TENM3: variants seen among roughly 807,000 people sequenced by gnomAD.
TENM3 encodes teneurin-3.
TENM3 carries 63 observed loss-of-function variants against 255.1 expected under a neutral mutation model. The ratio of observed to expected loss-of-function variants is 0.25; its 90% confidence interval spans 0.20 to 0.30. The LOEUF (loss-of-function observed/expected upper bound fraction) is 0.30. Ranked by LOEUF, TENM3 falls within the 10% of genes least tolerant of loss-of-function variation. The probability of loss-of-function intolerance (pLI) is 1.00; values close to 1 mark genes in which losing one functional copy is unlikely to be tolerated. For missense variants in TENM3, 2,929 were observed against 3,461.1 expected (o/e 0.85, Z 3.86); for synonymous variants, 1,306 against 1,322.3 (o/e 0.99, Z 0.27).
chr4:181,719,322 A>T, the TENM3 span, among the ~76,000 whole-genome samples: 1 of 152,194 alleles, frequency 6.6e-6, no homozygotes, highest in African/African-American at 2.4e-5. Flanking sequence ...AAACCAAAAA[A>T]GTTCTAAATC....
chr4:182,483,416 T>A (rs1319418893), intron 3 of TENM3, among the ~76,000 whole-genome samples: 1 of 152,170 alleles, frequency 6.6e-6, no homozygotes, highest in African/African-American at 2.4e-5. Context: ...GTCACATAGT[T>A]AATGTAAGAG....
chr4:181,506,428 C>A, the TENM3 span, among the ~76,000 whole-genome samples: 1 of 150,676 alleles, frequency 6.6e-6, no homozygotes, highest in Admixed American at 6.7e-5. Flanking sequence ...AAATTGACAT[C>A]CTGGAATATA....
the TENM3 span, among the ~76,000 whole-genome samples, chr4:181,746,931 C>T: frequency 6.6e-6 from 1 of 151,984 alleles, no homozygotes; most frequent in Non-Finnish European, 1.5e-5. Context: ...TTGATGTACC[C>T]TTTGGTCATT....
At chr4:182,107,636 C>T in the TENM3 span, among the ~76,000 whole-genome samples, 2 of 152,122 alleles carry the variant, frequency 1.3e-5, no homozygotes, top group African/African-American at 4.8e-5. Context: ...GTCCACGAAG[C>T]GAGGAAAGTC....
intron 3 of TENM3, chr4:182,350,454 C>A (rs1269647015): frequency 6.6e-6 from 1 of 152,120 alleles, no homozygotes; most frequent in Non-Finnish European, 1.5e-5. Context: ...TGGGAGAAGC[C>A]CTTTCTTGGC....
chr4:181,807,855 T>C, the TENM3 span, among the ~76,000 whole-genome samples: 1 of 152,184 alleles, frequency 6.6e-6, no homozygotes, highest in Non-Finnish European at 1.5e-5. Flanking sequence ...GCTTCAGCCA[T>C]TCAGTAGAAG....
chr4:182,412,976 GATAAA>G (rs936175408), intron 3 of TENM3, among the ~76,000 whole-genome samples: 3 of 151,608 alleles, frequency 2.0e-5, no homozygotes, highest in African/African-American at 7.3e-5. Context: ...AAAAACAATA[GATAAA>G]ATAAACTCTA....
chr4:182,183,239 A>G (rs1752947768), intron 1 of TENM3, among the ~76,000 whole-genome samples: 2 of 152,170 alleles, frequency 1.3e-5, no homozygotes, highest in South Asian at 2.1e-4. Flanking sequence ...TACTCTTCCC[A>G]TAGCTCAGGG....
chr4:181,531,438 G>A, the TENM3 span, among the ~76,000 whole-genome samples: 1 of 152,066 alleles, frequency 6.6e-6, no homozygotes, highest in Non-Finnish European at 1.5e-5. Flanking sequence ...TGTTTCTGTT[G>A]GTTTTGTTCA....
the TENM3 span, among the ~76,000 whole-genome samples, chr4:181,469,433 G>T: frequency 3.3e-5 from 5 of 152,006 alleles, no homozygotes; most frequent in Admixed American, 6.6e-5. Context: ...TTCCTACTTG[G>T]ACAGAAATGA....
At chr4:182,209,897 G>T (rs546842003) in intron 1 of TENM3, among the ~76,000 whole-genome samples, 2 of 152,010 alleles carry the variant, frequency 1.3e-5, no homozygotes, top group Non-Finnish European at 2.9e-5. Context: ...TCTGCAGGGG[G>T]AGGTGGGGTA....
intron 1 of TENM3, among the ~76,000 whole-genome samples, chr4:182,180,415 ATCTT>A (rs1453864138): frequency 6.6e-6 from 1 of 152,106 alleles, no homozygotes; most frequent in Admixed American, 6.5e-5. Flanking sequence ...CTGCTTTGAC[ATCTT>A]TCTTTAGCAT....
chr4:182,448,189 G>A (rs1773088056), intron 3 of TENM3, among the ~76,000 whole-genome samples: 3 of 152,328 alleles, frequency 2.0e-5, no homozygotes, highest in Admixed American at 6.5e-5. Context: ...ACTGCTGCGG[G>A]GACGAGGGCG....
chr4:182,485,807 G>A (rs1421917617), intron 3 of TENM3, among the ~76,000 whole-genome samples: 3 of 152,134 alleles, frequency 2.0e-5, no homozygotes, highest in Non-Finnish European at 4.4e-5. Context: ...TGTTCTCAAG[G>A]TGTTTATAGT....
At chr4:181,541,699 G>A in the TENM3 span, among the ~76,000 whole-genome samples, 1 of 152,148 alleles carries the variant, frequency 6.6e-6, no homozygotes, top group Non-Finnish European at 1.5e-5. Context: ...CTCTTTCCAG[G>A]AACCTCACTG....
chr4:182,801,402 A>G lies in TENM3; in HGVS notation c.*1051A>G, dbSNP rs779401048. The stretch of plus-strand genomic sequence containing the variant: ...AGCATTGTCAACTGAGAGGCACAGT[A>G]GACAACTAGGGCTGGTGGAATGTAA... On this transcript the variant is annotated 3_prime_UTR_variant, in exon 28 of 28. Coordinates refer to ENST00000511685, the MANE Select transcript of TENM3 (RefSeq NM_001080477.4). 6.6e-6 allele frequency: 1 copy of G among 152,210 alleles called. No individual in the cohort carries two copies. Among genetic ancestry groups the G allele is most frequent in the Non-Finnish European group, 1.5e-5 (1 of 68,034 alleles). The allele number at this position is 152,210 out of a possible 1,614,324, so 9.4% of individuals were successfully genotyped here. A position where few individuals can be genotyped will look rare whatever the true frequency, so the allele number is the denominator to read the frequency against.
At chr4:181,574,537 C>CA in the TENM3 span, among the ~76,000 whole-genome samples, 1,466 of 81,782 alleles carry the variant, frequency 0.018, 17 homozygotes, top group East Asian at 0.084. Flanking sequence ...GACTCCGTCT[C>CA]AAAAAAAAAA....
chr4:182,020,132 A>G, the TENM3 span, among the ~76,000 whole-genome samples: 1 of 151,992 alleles, frequency 6.6e-6, no homozygotes, highest in Non-Finnish European at 1.5e-5. Flanking sequence ...TGGGAGGCTG[A>G]GGCGGCCAGA....
chr4:182,151,198 G>A (rs1391207619), intron 1 of TENM3, among the ~76,000 whole-genome samples: 1 of 152,050 alleles, frequency 6.6e-6, no homozygotes, highest in African/African-American at 2.4e-5. Context: ...ATACTAGAAG[G>A]TACGTTATGC....
Sources: gnomAD v4.1 joint callset for allele counts (sites outside exome capture counted in the v4.1 genomes callset) on GRCh38, gnomAD v4.1.1 for gene constraint, MANE v1.5 for transcripts, NCBI Gene and HGNC (gene_info 2026-07-23, HGNC 2026-07-21) for gene names.